TAFA4: variants seen among roughly 807,000 people sequenced by gnomAD.
The protein encoded by TAFA4 is TAFA chemokine like family member 4, also known as chemokine-like protein TAFA-4.
A neutral mutation model predicts 21.1 loss-of-function variants in TAFA4; 20 were observed. The ratio of observed to expected loss-of-function variants is 0.95; its 90% CI spans 0.67 to 1.38. TAFA4 has a LOEUF of 1.38. TAFA4 is among the 40% of genes most tolerant of loss of function. The pLI, the probability that TAFA4 is intolerant of heterozygous loss-of-function variation, is 0.00. For synonymous variants in TAFA4, 71 were observed against 67.4 expected, an observed-to-expected ratio of 1.05 and a Z score of -0.26; for missense variants, 211 against 180.9, an observed-to-expected ratio of 1.17 and a Z score of -0.95.
intron 3 of TAFA4, among the ~76,000 whole-genome samples, chr3:68,816,457 T>C (rs1306116105): frequency 6.6e-6 from 1 of 152,248 alleles, no homozygotes; most frequent in South Asian, 2.1e-4. Flanking sequence ...TATCCTTATA[T>C]ATTTTTTGTA....
intron 1 of TAFA4, among the ~76,000 whole-genome samples, chr3:68,915,066 G>A (rs560510307): frequency 4.6e-5 from 7 of 152,222 alleles, no homozygotes; most frequent in East Asian, 1.9e-4. Context: ...GAAAAAGTTT[G>A]TCAATCCCTG....
chr3:68,799,800 T>G (rs1352878790), intron 3 of TAFA4, among the ~76,000 whole-genome samples: 2 of 151,972 alleles, frequency 1.3e-5, no homozygotes, highest in Non-Finnish European at 2.9e-5. Context: ...CTGTGGCTTG[T>G]TAGGAACCAG....
chr3:68,739,011 T>C (rs1702294785), intron 5 of TAFA4, 64 bp downstream of exon 5: 1 of 1,593,452 alleles, frequency 6.3e-7, no homozygotes, highest in Non-Finnish European at 8.5e-7. Context: ...CAGAATAAAA[T>C]CAAGGGGAGA....
At chr3:68,795,568 C>G (rs575181648) in intron 3 of TAFA4, among the ~76,000 whole-genome samples, 1 of 152,284 alleles carries the variant, frequency 6.6e-6, no homozygotes, top group Non-Finnish European at 1.5e-5. Flanking sequence ...ATTGCTCTAT[C>G]CTGCTAAACC....
intron 1 of TAFA4, among the ~76,000 whole-genome samples, chr3:68,914,073 T>C (rs762307259): frequency 2.0e-5 from 3 of 152,192 alleles, no homozygotes; most frequent in East Asian, 1.9e-4. Flanking sequence ...GCCAAAAACA[T>C]GTATGAGAAT....
At chr3:68,907,657 A>C (rs762818477) in intron 1 of TAFA4, among the ~76,000 whole-genome samples, 12 of 152,158 alleles carry the variant, frequency 7.9e-5, no homozygotes, top group Non-Finnish European at 1.2e-4. Flanking sequence ...GAGATCCAAA[A>C]TAAGGTACCA....
chr3:68,733,197 A>T, intron 5 of TAFA4, 44 bp from the exon 6 acceptor site: 1 of 1,598,814 alleles, frequency 6.3e-7, no homozygotes, highest in Non-Finnish European at 8.5e-7. Context: ...CTCTATACCC[A>T]CCGAAATAAC....
intron 3 of TAFA4, among the ~76,000 whole-genome samples, chr3:68,771,512 G>T (rs148163156): frequency 5.3e-5 from 8 of 152,310 alleles, no homozygotes; most frequent in Non-Finnish European, 1.2e-4. Context: ...CTTCCTGCGA[G>T]GGGGATAAGG....
chr3:68,810,259 G>A (rs979932169), intron 3 of TAFA4, among the ~76,000 whole-genome samples: 2 of 152,136 alleles, frequency 1.3e-5, no homozygotes, highest in Non-Finnish European at 2.9e-5. Flanking sequence ...CGCAGAAGAT[G>A]GGTGATTTCT....
chr3:68,858,444 C>T (rs1705120984), intron 3 of TAFA4, among the ~76,000 whole-genome samples: 1 of 151,984 alleles, frequency 6.6e-6, no homozygotes, highest in Admixed American at 6.6e-5. Context: ...TTGCTTTTCC[C>T]AATTGATGGG....
At chr3:68,735,225 G>A (rs927196268) in intron 5 of TAFA4, among the ~76,000 whole-genome samples, 49 of 151,680 alleles carry the variant, frequency 3.2e-4, no homozygotes, top group Non-Finnish European at 6.0e-4. Context: ...GCAATGGTAT[G>A]GGGAAATACA....
chr3:68,877,934 A>G lies in TAFA4; in HGVS notation c.130+2796T>C, dbSNP rs882548. Among the ~76,000 whole-genome samples the G allele has an allele frequency of 7.2e-3, 1,102 of 152,304 alleles. 10 individuals carry two copies. The highest frequency in any genetic ancestry group is 0.025 in the African/African-American group (1,053 of 41,550). Reference sequence around the variant, plus strand: ...CTTATTAGTTATCCCAATAACTCCAAATAAAATAGGCATGGATATCATTCC... The same window carrying G: ...CTTATTAGTTATCCCAATAACTCCAGATAAAATAGGCATGGATATCATTCC... On this transcript the variant is annotated intron_variant, in intron 3 of 5. Coordinates refer to ENST00000295569, the MANE Select transcript of TAFA4 (RefSeq NM_182522.5).
At chr3:68,909,214 C>T (rs755796044) in intron 1 of TAFA4, among the ~76,000 whole-genome samples, 23 of 152,202 alleles carry the variant, frequency 1.5e-4, no homozygotes, top group Admixed American at 1.2e-3. Flanking sequence ...AAAATGACAA[C>T]AGAATTTAGT....
chr3:68,829,638 T>C (rs1446339376), intron 3 of TAFA4, among the ~76,000 whole-genome samples: 2 of 152,162 alleles, frequency 1.3e-5, no homozygotes, highest in Non-Finnish European at 2.9e-5. Context: ...AGGATATTGG[T>C]ATAAAATTCT....
intron 3 of TAFA4, among the ~76,000 whole-genome samples, chr3:68,851,805 A>C (rs757036983): frequency 6.6e-6 from 1 of 152,198 alleles, no homozygotes; most frequent in Non-Finnish European, 1.5e-5. Context: ...AATGGGAGAG[A>C]GATCAATGAG....
At chr3:68,814,868 C>G (rs1273247047) in intron 3 of TAFA4, among the ~76,000 whole-genome samples, 2 of 152,110 alleles carry the variant, frequency 1.3e-5, no homozygotes, top group African/African-American at 2.4e-5. Flanking sequence ...CAATCCTAAG[C>G]CAAAAGAACA....
rs369003488 is a variant in TAFA4 at position 68,743,529 on chromosome 3, T to C, written c.287-4330A>G. ...AGGCAGAGGTTGCAGTGAGCCGAGA[T>C]CGCGCCACTGCATTCCAGCCTGGGT... On this transcript the variant is annotated intron_variant, in intron 4 of 5. Transcript: ENST00000295569. 8.9e-5 allele frequency among the ~76,000 whole-genome samples: 13 copies of C among 146,594 alleles called. No individual in the cohort carries two copies. The East Asian group carries it at 1.0e-3, about 11-fold the overall frequency.
At chr3:68,841,089 C>A (rs1468997753) in intron 3 of TAFA4, among the ~76,000 whole-genome samples, 1 of 73,162 alleles carries the variant, frequency 1.4e-5, no homozygotes, top group South Asian at 4.4e-4. Context: ...TTTGGGAGGC[C>A]GAGGCGGGCG....
chr3:68,844,931 C>T (rs1430033922), intron 3 of TAFA4, among the ~76,000 whole-genome samples: 1 of 152,172 alleles, frequency 6.6e-6, no homozygotes, highest in East Asian at 1.9e-4. Flanking sequence ...GAGTGTTTCA[C>T]TTCCAATTGT....
Sources: gnomAD v4.1 joint callset for allele counts (sites outside exome capture counted in the v4.1 genomes callset) on GRCh38, gnomAD v4.1.1 for gene constraint, MANE v1.5 for transcripts, NCBI Gene and HGNC (gene_info 2026-07-23, HGNC 2026-07-21) for gene names.